Variants in NTRK3 observed in about 807,000 individuals in gnomAD.
NTRK3 encodes neurotrophic receptor tyrosine kinase 3.
Under a neutral mutation model 91.7 loss-of-function variants are expected in NTRK3, and 24 were observed. That is an observed-to-expected ratio of 0.26 (90% CI 0.19 to 0.37). The LOEUF (loss-of-function observed/expected upper bound fraction) is 0.37, where lower values mean the gene tolerates loss of function less well. Ranked by LOEUF, NTRK3 falls within the 10% of genes least tolerant of loss-of-function variation. The pLI, the probability that NTRK3 is intolerant of heterozygous loss-of-function variation, is 1.00. For missense variants in NTRK3, 880 were observed against 1,068.9 expected, an observed-to-expected ratio of 0.82 and a Z score of 2.46; for synonymous variants, 483 against 404.0, an observed-to-expected ratio of 1.20 and a Z score of -2.34.
intron 13 of NTRK3, among the ~76,000 whole-genome samples, chr15:88,039,744 C>G (rs966663535): frequency 6.6e-6 from 1 of 152,204 alleles, no homozygotes; most frequent in Admixed American, 6.5e-5. Flanking sequence ...ATACACCCAC[C>G]AGCAGTTTTG....
At chr15:87,978,898 A>G (rs913742177) in intron 14 of NTRK3, 48 of 292,692 alleles carry the variant, frequency 1.6e-4, no homozygotes, top group African/African-American at 8.6e-4. Context: ...CACTAAGAGG[A>G]CAGCATGGTA....
At chr15:88,078,594 G>A (rs1042457790) in intron 13 of NTRK3, among the ~76,000 whole-genome samples, 1 of 152,206 alleles carries the variant, frequency 6.6e-6, no homozygotes, top group African/African-American at 2.4e-5. Context: ...AGGTTGCAGT[G>A]AGCCAAGATC....
At chr15:88,171,349 G>A (rs2045499280) in intron 5 of NTRK3, among the ~76,000 whole-genome samples, 1 of 152,170 alleles carries the variant, frequency 6.6e-6, no homozygotes, top group Admixed American at 6.5e-5. Context: ...GGGTGCATGT[G>A]TGTTGAGGCT....
intron 13 of NTRK3, among the ~76,000 whole-genome samples, chr15:88,097,623 AAT>A: frequency 6.6e-6 from 1 of 152,364 alleles, no homozygotes; most frequent in South Asian, 2.1e-4. Flanking sequence ...TGTTACTGAT[AAT>A]AGTATTTGTA....
chr15:88,113,899 G>A (rs1245939800), intron 13 of NTRK3, among the ~76,000 whole-genome samples: 1 of 152,128 alleles, frequency 6.6e-6, no homozygotes, highest in Non-Finnish European at 1.5e-5. Flanking sequence ...AACTTTAATG[G>A]CAGTATGACC....
chr15:88,073,101 T>A (rs1342258027), intron 13 of NTRK3, among the ~76,000 whole-genome samples: 2 of 152,146 alleles, frequency 1.3e-5, no homozygotes, highest in African/African-American at 2.4e-5. Context: ...TTAATAACAT[T>A]GGTGTAAAGA....
intron 14 of NTRK3, chr15:87,979,494 A>C (rs2074014431): frequency 1.3e-6 from 2 of 1,507,976 alleles, no homozygotes; most frequent in Non-Finnish European, 1.8e-6. Context: ...AAAAAACAGA[A>C]AAAAGCAAAA....
At chr15:87,900,330 C>T (rs910820702) in intron 17 of NTRK3, among the ~76,000 whole-genome samples, 20 of 152,244 alleles carry the variant, frequency 1.3e-4, no homozygotes, top group Admixed American at 1.1e-3. Flanking sequence ...CCTGGCAAGG[C>T]CTAGAGGCAT....
chr15:88,226,950 ATCT>A (rs1351756057), intron 3 of NTRK3, among the ~76,000 whole-genome samples: 1 of 152,214 alleles, frequency 6.6e-6, no homozygotes, highest in African/African-American at 2.4e-5. Context: ...CTGAGCTCTC[ATCT>A]TCTTTCCACT....
At chr15:87,894,819 T>G (rs1232014674) in intron 17 of NTRK3, among the ~76,000 whole-genome samples, 1 of 152,128 alleles carries the variant, frequency 6.6e-6, no homozygotes, top group Non-Finnish European at 1.5e-5. Flanking sequence ...CCTTTCCTCC[T>G]CCTCCCCTGC....
At chr15:87,983,267 G>T (rs909374510) in intron 14 of NTRK3, among the ~76,000 whole-genome samples, 1 of 152,198 alleles carries the variant, frequency 6.6e-6, no homozygotes, top group Non-Finnish European at 1.5e-5. Context: ...GCCCTGGGTG[G>T]TAGACTAACA....
At chr15:87,967,492 C>T (rs561789670) in intron 14 of NTRK3, among the ~76,000 whole-genome samples, 2 of 152,256 alleles carry the variant, frequency 1.3e-5, no homozygotes, top group South Asian at 2.1e-4. Context: ...TAGAGCACTG[C>T]GAGCCTCACA....
intron 14 of NTRK3, among the ~76,000 whole-genome samples, chr15:87,997,267 A>C (rs1436589305): frequency 3.9e-5 from 6 of 152,222 alleles, no homozygotes; most frequent in African/African-American, 1.4e-4. Flanking sequence ...ATTACATTCC[A>C]ATTCCAAATG....
At chr15:87,967,042 A>G (rs2072859644) in intron 14 of NTRK3, among the ~76,000 whole-genome samples, 1 of 152,230 alleles carries the variant, frequency 6.6e-6, no homozygotes, top group African/African-American at 2.4e-5. Context: ...TGCAGGAGAC[A>G]ATAAAGCTCT....
rs2051015155 is a variant in NTRK3 at position 88,108,941 on chromosome 15, T to C, written c.1396+17330A>G. Among the ~76,000 whole-genome samples, 5 of 152,192 alleles carry C rather than the reference T, an allele frequency of 3.3e-5. No individual in the cohort carries two copies. The South Asian group carries it at 1.0e-3, about 32-fold the overall frequency. On this transcript the variant is annotated intron_variant, in intron 13 of 18. Transcript: ENST00000394480. ...ATGAAGGAGAGAATTCTCTCTCTAA[T>C]CCACTTGCACAGTCAGACAAGAAAG...
chr15:88,010,592 A>T (rs562922639), intron 14 of NTRK3, among the ~76,000 whole-genome samples: 1 of 152,320 alleles, frequency 6.6e-6, no homozygotes, highest in Admixed American at 6.5e-5. Flanking sequence ...ATATATTACT[A>T]ACAGATTTTA....
At chr15:88,072,226 G>A (rs779889941) in intron 13 of NTRK3, among the ~76,000 whole-genome samples, 5 of 151,954 alleles carry the variant, frequency 3.3e-5, no homozygotes, top group Non-Finnish European at 7.4e-5. Flanking sequence ...GACTGGTCTC[G>A]AACTCCTGAC....
chr15:88,005,612 T>C (rs922078772), intron 14 of NTRK3, among the ~76,000 whole-genome samples: 2 of 151,834 alleles, frequency 1.3e-5, no homozygotes, highest in Middle Eastern at 3.4e-3. Context: ...ACCTCAAATC[T>C]CTCCAAAGGA....
intron 13 of NTRK3, among the ~76,000 whole-genome samples, chr15:88,056,774 C>G (rs1019680999): frequency 1.3e-5 from 2 of 152,158 alleles, no homozygotes; most frequent in African/African-American, 4.8e-5. Flanking sequence ...CACAGAGAGT[C>G]GACAACATGT....
Sources: gnomAD v4.1 joint callset for allele counts (sites outside exome capture counted in the v4.1 genomes callset) on GRCh38, gnomAD v4.1.1 for gene constraint, MANE v1.5 for transcripts, NCBI Gene and HGNC (gene_info 2026-07-23, HGNC 2026-07-21) for gene names.